The following ZNHIT6 variants were observed in gnomAD, a reference collection of about 807,000 sequenced individuals.
ZNHIT6 encodes zinc finger HIT-type containing 6, also known as box C/D snoRNA protein 1.
Under a neutral mutation model 57.2 loss-of-function variants are expected in ZNHIT6, and 45 were observed. The ratio of observed to expected loss-of-function variants is 0.79; its 90% CI spans 0.62 to 1.01. The LOEUF is 1.01. Among genes scored for constraint, ZNHIT6 ranks in the 50% least tolerant of loss-of-function variants. The pLI, the probability that ZNHIT6 is intolerant of heterozygous loss-of-function variation, is 0.00. For synonymous variants in ZNHIT6, 188 were observed against 190.0 expected (o/e 0.99, Z 0.09); for missense variants, 528 against 567.3 (o/e 0.93, Z 0.70).
chr1:85,663,381 C>A (rs1661277096), intron 8 of ZNHIT6, among the ~76,000 whole-genome samples: 2 of 152,154 alleles, frequency 1.3e-5, no homozygotes, highest in South Asian at 2.1e-4. Flanking sequence ...AACTTAGTTT[C>A]TTTGGGTAAG....
intron 8 of ZNHIT6, among the ~76,000 whole-genome samples, chr1:85,661,981 T>C (rs539972054): frequency 1.2e-3 from 177 of 152,218 alleles, no homozygotes; most frequent in African/African-American, 4.0e-3. Context: ...GGGCGCATTA[T>C]GAGGGCAGAA....
chr1:85,700,277 T>C (rs111726666), intron 5 of ZNHIT6, among the ~76,000 whole-genome samples: 24 of 152,316 alleles, frequency 1.6e-4, no homozygotes, highest in Admixed American at 1.2e-3. Context: ...CTCTACAAGG[T>C]AGCTATCATG....
At chr1:85,654,196 G>A in intron 9 of ZNHIT6, 98 bp from the exon 10 acceptor site, 1 of 1,029,256 alleles carries the variant, frequency 9.7e-7, no homozygotes, top group East Asian at 2.6e-5. Context: ...TACAGCAAAA[G>A]CACTGCTCAC....
chr1:85,706,868 A>T lies in ZNHIT6; in HGVS notation c.657-361T>A, dbSNP rs552214821. Among the ~76,000 whole-genome samples, 3 of 152,318 alleles carry T rather than the reference A, an allele frequency of 2.0e-5. No homozygotes were observed. The East Asian group carries it at 5.8e-4, about 29-fold the overall frequency. On this transcript the variant is annotated intron_variant, in intron 1 of 9. Transcript: ENST00000370574. ...TATCCAGAAGTCCAATTCATGAGCT[A>T]TGTTTAGATATTTTTAAAGCACACA... is the stretch of plus-strand genomic sequence containing the variant.
At chr1:85,682,015 T>TTTTTTTGAGA (rs1661890039) in intron 5 of ZNHIT6, among the ~76,000 whole-genome samples, 1 of 48,726 alleles carries the variant, frequency 2.1e-5, no homozygotes, top group South Asian at 1.5e-3. Context: ...ATTTTGTTCA[T>TTTTTTTGAGA]CTTTTTTTTT....
intron 8 of ZNHIT6, among the ~76,000 whole-genome samples, chr1:85,673,443 G>C (rs930400456): frequency 1.3e-5 from 2 of 152,268 alleles, no homozygotes; most frequent in Non-Finnish European, 2.9e-5. Context: ...AAAAACTTAA[G>C]CATGCTCTAG....
chr1:85,671,087 A>C (rs1661544941), intron 8 of ZNHIT6, among the ~76,000 whole-genome samples: 1 of 152,198 alleles, frequency 6.6e-6, no homozygotes, highest in South Asian at 2.1e-4. Flanking sequence ...AGGTTGGGAG[A>C]AAGGTTAAAA....
In ZNHIT6 at chr1:85,706,179, C is replaced by A. The variant is rs1557879015; in HGVS notation, c.830-16G>T. ...AATCGATAATCTAAAAATTTCAAAA[C>A]AGAAGAATAAACAAGTGACATATAC... is the stretch of plus-strand genomic sequence containing the variant. On this transcript the variant is annotated splice_polypyrimidine_tract_variant and intron_variant, in intron 3 of 9. Transcript: ENST00000370574. 3.1e-6 allele frequency: 5 copies of A among 1,612,534 alleles called. No homozygotes were observed. Among genetic ancestry groups the A allele is most frequent in the Non-Finnish European group, 1.7e-6 (2 of 1,179,120 alleles).
chr1:85,658,004 A>G (rs1247086790), intron 8 of ZNHIT6, 33 bp from the exon 9 acceptor site: 7 of 1,365,340 alleles, frequency 5.1e-6, no homozygotes, highest in Middle Eastern at 2.6e-4. Context: ...AAACCAGGAA[A>G]CACTCTTAAT....
At chr1:85,702,748 G>A (rs990585066) in intron 4 of ZNHIT6, among the ~76,000 whole-genome samples, 8 of 152,286 alleles carry the variant, frequency 5.3e-5, no homozygotes, top group African/African-American at 1.9e-4. Context: ...CCTAGTACAA[G>A]GCCTAGCTTA....
At chr1:85,703,165 T>A (rs775654438) in intron 4 of ZNHIT6, among the ~76,000 whole-genome samples, 2 of 152,104 alleles carry the variant, frequency 1.3e-5, no homozygotes, top group Non-Finnish European at 2.9e-5. Context: ...ACCCTCCTAA[T>A]ATACCTTCAG....
chr1:85,656,805 T>C (rs1661072709), intron 9 of ZNHIT6, among the ~76,000 whole-genome samples: 1 of 152,128 alleles, frequency 6.6e-6, no homozygotes, highest in South Asian at 2.1e-4. Context: ...GATACAATTT[T>C]GGCCACTTTG....
In ZNHIT6 at chr1:85,680,891, A is replaced by G. The variant is rs967092679; in HGVS notation, c.1033T>C (p.Cys345Arg). Residue 345 changes from cysteine (C) to arginine (R), a missense_variant, in exon 6 of 10, where the codon TGT (cysteine) becomes CGT (arginine). Physicochemically the swap from Cys to Arg is radical, Grantham distance 180 (BLOSUM62 -3). Transcript: ENST00000370574. The stretch of plus-strand genomic sequence containing the variant: ...GGAAACTGGAGCTTCACATGCCAAC[A>G]AAACTGTTGTTTTCTAAGAGAGAAA... ...TFFDKKKQQF[C>R]WHVKLQFPQS... is the part of the protein sequence containing the mutation. 6 of 1,612,284 alleles carry G rather than the reference A, an allele frequency of 3.7e-6. No individual in the cohort carries two copies. Among genetic ancestry groups the G allele is most frequent in the African/African-American group, 1.3e-5 (1 of 74,902 alleles).
intron 5 of ZNHIT6, among the ~76,000 whole-genome samples, chr1:85,685,289 T>C (rs913616998): frequency 1.3e-5 from 2 of 152,184 alleles, no homozygotes; most frequent in African/African-American, 4.8e-5. Context: ...AACCTAAATG[T>C]ACATCATCAG....
chr1:85,683,736 A>T (rs937985502), intron 5 of ZNHIT6, among the ~76,000 whole-genome samples: 16 of 152,282 alleles, frequency 1.1e-4, no homozygotes, highest in African/African-American at 3.9e-4. Context: ...TAGCAACATT[A>T]CTTGGATTAC....
intron 9 of ZNHIT6, among the ~76,000 whole-genome samples, chr1:85,655,921 G>C (rs539019355): frequency 6.6e-6 from 1 of 152,250 alleles, no homozygotes; most frequent in African/African-American, 2.4e-5. Context: ...ACAACCATCA[G>C]GTGTGGGAAC....
chr1:85,664,988 C>T (rs1469751602), intron 8 of ZNHIT6, among the ~76,000 whole-genome samples: 2 of 152,108 alleles, frequency 1.3e-5, no homozygotes, highest in African/African-American at 4.8e-5. Flanking sequence ...TATGCTGCCA[C>T]ACTCGGCTAA....
chr1:85,663,868 C>A (rs762337492), intron 8 of ZNHIT6, among the ~76,000 whole-genome samples: 5 of 152,074 alleles, frequency 3.3e-5, no homozygotes, highest in Non-Finnish European at 5.9e-5. Context: ...GAATATAGGC[C>A]CCCAAACTCT....
intron 4 of ZNHIT6, 141 bp downstream of exon 4, chr1:85,705,937 G>T: frequency 3.0e-6 from 2 of 672,510 alleles, no homozygotes; most frequent in Non-Finnish European, 2.5e-6. Flanking sequence ...GACTTTGTTT[G>T]GGTCACAGCC....
Sources: allele counts gnomAD v4.1 joint callset (sites outside exome capture counted in the v4.1 genomes callset), GRCh38; gene constraint gnomAD v4.1.1; transcripts MANE v1.5; gene names NCBI Gene and HGNC (gene_info 2026-07-23, HGNC 2026-07-21).